The following NRG3 variants were observed in gnomAD, a reference collection of about 807,000 sequenced individuals.
NRG3 encodes the protein pro-neuregulin-3, membrane-bound isoform.
A neutral mutation model predicts 66.9 loss-of-function variants in NRG3; 31 were observed. That is an observed-to-expected ratio of 0.46 (90% CI 0.35 to 0.63). The LOEUF (loss-of-function observed/expected upper bound fraction) is 0.63. NRG3 is among the 20% of genes least tolerant of loss of function. NRG3 has a pLI of 0.00. For missense variants in NRG3, 910 were observed against 878.9 expected (o/e 1.04, Z -0.45); for synonymous variants, 393 against 359.4 (o/e 1.09, Z -1.06).
chr10:82,229,618 C>G (rs2076350789), intron 1 of NRG3, among the ~76,000 whole-genome samples: 1 of 152,140 alleles, frequency 6.6e-6, no homozygotes, highest in Non-Finnish European at 1.5e-5. Flanking sequence ...CAACCATGTC[C>G]TTCTTCACAT....
chr10:82,308,867 C>A (rs1273362897), intron 1 of NRG3, among the ~76,000 whole-genome samples: 1 of 152,102 alleles, frequency 6.6e-6, no homozygotes. Flanking sequence ...TGGTTTCCTC[C>A]ACCTGATATA....
chr10:82,510,969 A>G (rs941854822), intron 2 of NRG3, among the ~76,000 whole-genome samples: 10 of 152,218 alleles, frequency 6.6e-5, no homozygotes, highest in Non-Finnish European at 1.5e-4. Flanking sequence ...TATTTATTAC[A>G]TGAGTGAATG....
intron 2 of NRG3, among the ~76,000 whole-genome samples, chr10:82,506,505 A>C (rs186687580): frequency 6.6e-6 from 1 of 151,696 alleles, no homozygotes; most frequent in African/African-American, 2.4e-5. Flanking sequence ...GCTTTCCTCT[A>C]TCTGCTTGGA....
At chr10:81,958,378 T>C (rs79665202) in intron 1 of NRG3, among the ~76,000 whole-genome samples, 5,962 of 152,248 alleles carry the variant, frequency 0.039, 184 homozygotes, top group Admixed American at 0.084. Context: ...GAATGAAACA[T>C]AAGAGAGTTA....
At chr10:82,748,746 A>G (rs2058741426) in intron 3 of NRG3, among the ~76,000 whole-genome samples, 1 of 150,970 alleles carries the variant, frequency 6.6e-6, no homozygotes, top group Non-Finnish European at 1.5e-5. Context: ...GGTAGATTAA[A>G]TCAATTCCCA....
intron 4 of NRG3, among the ~76,000 whole-genome samples, chr10:82,879,735 C>A (rs1842144652): frequency 1.3e-5 from 2 of 152,042 alleles, no homozygotes; most frequent in Non-Finnish European, 2.9e-5. Flanking sequence ...CTCGGCCTCC[C>A]AAAGTGCTGG....
At chr10:81,899,619 C>T (rs1340747788) in intron 1 of NRG3, among the ~76,000 whole-genome samples, 1 of 152,146 alleles carries the variant, frequency 6.6e-6, no homozygotes, top group Non-Finnish European at 1.5e-5. Context: ...GTGTTCTGAC[C>T]TGTACTTACT....
chr10:82,448,265 C>T (rs1484921467), intron 2 of NRG3, among the ~76,000 whole-genome samples: 1 of 152,128 alleles, frequency 6.6e-6, no homozygotes, highest in Non-Finnish European at 1.5e-5. Context: ...TTGTATTTTG[C>T]CTATGGCAGC....
chr10:82,849,848 A>G (rs2063481142), intron 3 of NRG3, among the ~76,000 whole-genome samples: 1 of 152,134 alleles, frequency 6.6e-6, no homozygotes, highest in Non-Finnish European at 1.5e-5. Flanking sequence ...TTAGATTCTG[A>G]TGGTGACTTT....
chr10:82,467,019 C>T (rs1005402255), intron 2 of NRG3, among the ~76,000 whole-genome samples: 2 of 152,082 alleles, frequency 1.3e-5, no homozygotes, highest in African/African-American at 4.8e-5. Flanking sequence ...CTGGTAATTC[C>T]ACAGACTGAC....
At chr10:82,040,907 A>G (rs1798799082) in intron 1 of NRG3, among the ~76,000 whole-genome samples, 3 of 152,136 alleles carry the variant, frequency 2.0e-5, no homozygotes, top group Admixed American at 6.6e-5. Flanking sequence ...TAGTGGAAAC[A>G]TAGGGAAACA....
chr10:82,827,044 T>C (rs1290298193), intron 3 of NRG3: 4 of 265,108 alleles, frequency 1.5e-5, no homozygotes, highest in African/African-American at 9.2e-5. Flanking sequence ...TAAATTCCCA[T>C]AGATATGCCT....
intron 3 of NRG3, among the ~76,000 whole-genome samples, chr10:82,817,978 G>A (rs904197973): frequency 6.6e-6 from 1 of 152,244 alleles, no homozygotes; most frequent in South Asian, 2.1e-4. Context: ...GTGGAAGAAA[G>A]CAGCTTTACT....
intron 2 of NRG3, among the ~76,000 whole-genome samples, chr10:82,717,603 G>A (rs1263235742): frequency 3.3e-5 from 5 of 152,022 alleles, no homozygotes; most frequent in Admixed American, 1.3e-4. Flanking sequence ...GTTTCACCAC[G>A]TTAGTAGTAG....
intron 2 of NRG3, among the ~76,000 whole-genome samples, chr10:82,629,046 A>G (rs944017358): frequency 6.6e-6 from 1 of 152,216 alleles, no homozygotes; most frequent in Non-Finnish European, 1.5e-5. Context: ...AAGTGAGCAT[A>G]GTAATATCTA....
chr10:82,084,743 TTC>T (rs1179192989), intron 1 of NRG3, among the ~76,000 whole-genome samples: 2 of 152,132 alleles, frequency 1.3e-5, no homozygotes, highest in African/African-American at 4.8e-5. Context: ...TCAAGATTAT[TTC>T]TCTTTTTCTC....
At chr10:82,092,150 C>A (rs1434700544) in intron 1 of NRG3, among the ~76,000 whole-genome samples, 2 of 152,054 alleles carry the variant, frequency 1.3e-5, no homozygotes, top group Non-Finnish European at 2.9e-5. Context: ...TATGAAGGTG[C>A]CTTTATTATG....
chr10:82,139,347 A>G (rs1039809917), intron 1 of NRG3, among the ~76,000 whole-genome samples: 1 of 152,182 alleles, frequency 6.6e-6, no homozygotes, highest in Non-Finnish European at 1.5e-5. Flanking sequence ...GGAAAATGTA[A>G]GGCAGTTAAC....
intron 2 of NRG3, among the ~76,000 whole-genome samples, chr10:82,642,219 T>G (rs559246645): frequency 6.6e-6 from 1 of 152,156 alleles, no homozygotes; most frequent in Non-Finnish European, 1.5e-5. Flanking sequence ...TATATACATA[T>G]GCCACATTTT....
Sources: allele counts gnomAD v4.1 joint callset (sites outside exome capture counted in the v4.1 genomes callset), GRCh38; gene constraint gnomAD v4.1.1; transcripts MANE v1.5; gene names NCBI Gene and HGNC (gene_info 2026-07-23, HGNC 2026-07-21).